Variants in ANO3 observed in about 807,000 individuals in gnomAD.
ANO3 encodes anoctamin 3.
Under a neutral mutation model 144.8 loss-of-function variants are expected in ANO3, and 99 were observed. That is an observed-to-expected ratio of 0.68 (90% CI 0.58 to 0.81). The LOEUF (loss-of-function observed/expected upper bound fraction) is 0.81, where lower values mean the gene tolerates loss of function less well. Among genes scored for constraint, ANO3 ranks in the 30% least tolerant of loss-of-function variants. The pLI, the probability that ANO3 is intolerant of heterozygous loss-of-function variation, is 0.00. For synonymous variants in ANO3, 414 were observed against 392.6 expected, an observed-to-expected ratio of 1.05 and a Z score of -0.64; for missense variants, 905 against 1,202.2, an observed-to-expected ratio of 0.75 and a Z score of 3.66.
At chr11:26,481,335 G>A (rs1415716218) in intron 4 of ANO3, among the ~76,000 whole-genome samples, 2 of 152,012 alleles carry the variant, frequency 1.3e-5, no homozygotes, top group East Asian at 3.9e-4. Flanking sequence ...CAAGAGAGGA[G>A]AGAGATCTGA....
intron 1 of ANO3, among the ~76,000 whole-genome samples, chr11:26,237,689 G>T (rs11029416): frequency 6.6e-6 from 1 of 151,938 alleles, no homozygotes; most frequent in East Asian, 1.9e-4. Flanking sequence ...GACTCTTTCA[G>T]GGTAGGTAAA....
chr11:26,579,447 A>ATTT (rs1395535796), intron 14 of ANO3, among the ~76,000 whole-genome samples: 1 of 152,196 alleles, frequency 6.6e-6, no homozygotes, highest in Non-Finnish European at 1.5e-5. Flanking sequence ...CCTGAAGAAG[A>ATTT]TTTTGAAATC....
At chr11:26,410,713 C>T (rs1287221878) in intron 1 of ANO3, among the ~76,000 whole-genome samples, 1 of 151,924 alleles carries the variant, frequency 6.6e-6, no homozygotes, top group Non-Finnish European at 1.5e-5. Context: ...TGTGGGGAAC[C>T]TTAAGAAGGC....
intron 1 of ANO3, among the ~76,000 whole-genome samples, chr11:26,314,308 T>C (rs1463439542): frequency 6.6e-6 from 1 of 152,214 alleles, no homozygotes; most frequent in Non-Finnish European, 1.5e-5. Flanking sequence ...TTTACATATG[T>C]TACTTAATTC....
intron 1 of ANO3, among the ~76,000 whole-genome samples, chr11:26,373,098 G>A (rs1479121342): frequency 6.6e-6 from 1 of 152,014 alleles, no homozygotes; most frequent in South Asian, 2.1e-4. Flanking sequence ...ATGTATATAC[G>A]GGCAGACACA....
chr11:26,543,741 G>A (rs2703401), intron 11 of ANO3, among the ~76,000 whole-genome samples: 100,024 of 151,872 alleles, frequency 0.66, 33,219 homozygotes, highest in East Asian at 0.83. Flanking sequence ...AGTTTGCTCA[G>A]AATGATGGTT....
intron 4 of ANO3, among the ~76,000 whole-genome samples, chr11:26,491,056 G>A (rs1014337936): frequency 6.6e-6 from 1 of 152,152 alleles, no homozygotes; most frequent in African/African-American, 2.4e-5. Flanking sequence ...AATACTGGCT[G>A]GGAGTATGGA....
intron 1 of ANO3, among the ~76,000 whole-genome samples, chr11:26,425,901 A>G (rs1857906380): frequency 6.6e-6 from 1 of 152,136 alleles, no homozygotes; most frequent in Non-Finnish European, 1.5e-5. Flanking sequence ...TAATGGATAC[A>G]TAATTTGGTG....
intron 12 of ANO3, among the ~76,000 whole-genome samples, chr11:26,552,853 G>T (rs1484176393): frequency 6.6e-6 from 1 of 152,126 alleles, no homozygotes; most frequent in Non-Finnish European, 1.5e-5. Context: ...CACCAGACTT[G>T]AGAAAACCAA....
intron 1 of ANO3, among the ~76,000 whole-genome samples, chr11:26,356,817 T>G (rs1855797225): frequency 6.6e-6 from 1 of 152,102 alleles, no homozygotes; most frequent in Non-Finnish European, 1.5e-5. Context: ...GCTGCCTGTA[T>G]TTTTAACTTG....
intron 4 of ANO3, among the ~76,000 whole-genome samples, chr11:26,475,132 G>A (rs909421633): frequency 6.6e-5 from 10 of 151,754 alleles, no homozygotes; most frequent in African/African-American, 2.4e-4. Flanking sequence ...CTAAGAAACA[G>A]CACTTAGTAT....
chr11:26,300,113 G>A (rs1342743711), intron 1 of ANO3, among the ~76,000 whole-genome samples: 2 of 152,114 alleles, frequency 1.3e-5, no homozygotes, highest in African/African-American at 4.8e-5. Flanking sequence ...AGGAAGACCA[G>A]TCTGTATGCT....
rs748775110 is a variant in ANO3, at chr11:26,598,964, G to A, written c.1637G>A (p.Arg546His). 10 of 1,613,854 alleles carry A rather than the reference G, an allele frequency of 6.2e-6. No homozygotes were observed. The East Asian group carries it at 6.7e-5, about 11-fold the overall frequency. The change falls in exon 16 of 27, where the codon CGT (arginine) becomes CAT (histidine). Residue 546 changes from arginine to histidine, a missense_variant. By Grantham distance (29) the Arg-to-His change is conservative (BLOSUM62 0). Coordinates refer to ENST00000256737, the MANE Select transcript of ANO3 (RefSeq NM_031418.4). ...PHQPSSDKVT[R>H]LLVSVSGIFF... is the part of the protein sequence containing the mutation. Reference sequence around the variant, plus strand: ...CAGCCTTCCTCAGACAAAGTCACTCGTCTTCTTGTTTCTGTCTCAGGAATA... The same window carrying A: ...CAGCCTTCCTCAGACAAAGTCACTCATCTTCTTGTTTCTGTCTCAGGAATA...
chr11:26,229,933 G>A (rs1030740323), intron 1 of ANO3, among the ~76,000 whole-genome samples: 4 of 152,062 alleles, frequency 2.6e-5, no homozygotes, highest in African/African-American at 9.7e-5. Flanking sequence ...CTTTTATATA[G>A]TAAAAATCAT....
intron 1 of ANO3, among the ~76,000 whole-genome samples, chr11:26,357,528 T>A (rs1297547019): frequency 6.6e-6 from 1 of 151,250 alleles, no homozygotes; most frequent in African/African-American, 2.4e-5. Context: ...TTTTTTCTGT[T>A]TTTTTTTTAA....
chr11:26,415,048 T>TG (rs1400953236), intron 1 of ANO3, among the ~76,000 whole-genome samples: 8 of 107,660 alleles, frequency 7.4e-5, no homozygotes, highest in African/African-American at 2.9e-4. Context: ...TAAAAGTTAT[T>TG]GGTGTGTATG....
chr11:26,512,840 A>G lies in ANO3; in HGVS notation c.592-3987A>G, dbSNP rs557388538. Among the ~76,000 whole-genome samples the G allele has an allele frequency of 5.9e-5, 9 of 152,324 alleles. No homozygotes were observed. The South Asian group carries it at 1.9e-3, about 32-fold the overall frequency. On this transcript the variant is annotated intron_variant, in intron 5 of 26. Coordinates refer to ENST00000256737, the MANE Select transcript of ANO3 (RefSeq NM_031418.4). The stretch of plus-strand genomic sequence containing the variant: ...GAATCCTGACACAGCACCCTCTTCC[A>G]GAATAGTCCAGGCTTATTTGCTTTC...
chr11:26,597,307 G>A (rs979918090), intron 14 of ANO3, among the ~76,000 whole-genome samples: 2 of 152,150 alleles, frequency 1.3e-5, no homozygotes, highest in Non-Finnish European at 2.9e-5. Flanking sequence ...TGGGCCATGC[G>A]ATGAGTGATA....
Position 26,656,136 on chromosome 11 carries a change from GA to G in ANO3, c.2589del (p.Tyr864MetfsTer11). The G allele has an allele frequency of 6.2e-7, 1 of 1,613,052 alleles. No individual in the cohort carries two copies. Among genetic ancestry groups the G allele is most frequent in the Non-Finnish European group, 8.5e-7 (1 of 1,179,364 alleles). On this transcript the variant is annotated frameshift_variant, in exon 25 of 27. Coordinates refer to ENST00000256737, the MANE Select transcript of ANO3 (RefSeq NM_031418.4). LOFTEE classifies it high-confidence loss of function. ...TTCTTTTCTCCCAGTTGCTTGAAGG[GA>G]TATGTCAACAATAGCCTATCCTTCT... ...HVEPSENCLKGYVNNSLSFFD... is the reference protein window; with the variant it reads ...HVEPSENCLKXYVNNSLSFFD...
Sources: gnomAD v4.1 joint callset for allele counts (sites outside exome capture counted in the v4.1 genomes callset) on GRCh38, gnomAD v4.1.1 for gene constraint, MANE v1.5 for transcripts, NCBI Gene and HGNC (gene_info 2026-07-23, HGNC 2026-07-21) for gene names.